EHBP1: variants seen among roughly 807,000 people sequenced by gnomAD.
The protein encoded by EHBP1 is EH domain-binding protein 1.
A neutral mutation model predicts 144.0 loss-of-function variants in EHBP1; 55 were observed. The observed-to-expected ratio is 0.38, with a 90% CI of 0.31 to 0.48. The LOEUF is 0.48. Ranked by LOEUF, EHBP1 falls within the 20% of genes least tolerant of loss-of-function variation. EHBP1 has a pLI of 0.98. For synonymous variants in EHBP1, 469 were observed against 472.7 expected (o/e 0.99, Z 0.10); for missense variants, 1,200 against 1,364.2 (o/e 0.88, Z 1.90).
chr2:62,835,947 G>A (rs570044739), intron 7 of EHBP1, among the ~76,000 whole-genome samples: 1 of 151,830 alleles, frequency 6.6e-6, no homozygotes, highest in South Asian at 2.1e-4. Context: ...GCTTGCTTAG[G>A]TAAACAAAGC....
chr2:62,810,520 A>G (rs914633098), intron 5 of EHBP1, among the ~76,000 whole-genome samples: 1 of 152,234 alleles, frequency 6.6e-6, no homozygotes, highest in Admixed American at 6.5e-5. Flanking sequence ...TGAGAAACTA[A>G]GAGGAGAAAC....
At chr2:62,834,322 T>C (rs559649010) in intron 7 of EHBP1, among the ~76,000 whole-genome samples, 1 of 152,228 alleles carries the variant, frequency 6.6e-6, no homozygotes, top group Non-Finnish European at 1.5e-5. Flanking sequence ...GAGAAATTTT[T>C]AATGAAAGGA....
At chr2:62,953,525 G>A (rs1434278828) in intron 13 of EHBP1, among the ~76,000 whole-genome samples, 3 of 151,208 alleles carry the variant, frequency 2.0e-5, no homozygotes, top group African/African-American at 2.4e-5. Context: ...CTCCAGCCTC[G>A]GTGACAGAGT....
At chr2:62,704,419 GCT>G (rs1287728429), upstream of EHBP1, among the ~76,000 whole-genome samples, 4 of 152,208 alleles carry the variant, frequency 2.6e-5, no homozygotes, top group African/African-American at 7.2e-5. Flanking sequence ...ACCCATCACT[GCT>G]CTCTCTTCCT....
intron 14 of EHBP1, among the ~76,000 whole-genome samples, chr2:62,975,935 CAT>C (rs59815286): frequency 1.8e-3 from 241 of 134,362 alleles, no homozygotes; most frequent in Middle Eastern, 0.012. Flanking sequence ...CACACACACA[CAT>C]ATATAGTAGA....
intron 7 of EHBP1, among the ~76,000 whole-genome samples, chr2:62,831,564 T>A (rs1331258757): frequency 6.6e-6 from 1 of 152,168 alleles, no homozygotes; most frequent in African/African-American, 2.4e-5. Flanking sequence ...ATGTGGACAT[T>A]CTGTGTTTTG....
chr2:62,999,244 T>C (rs2059757420), intron 19 of EHBP1, among the ~76,000 whole-genome samples: 1 of 152,174 alleles, frequency 6.6e-6, no homozygotes, highest in South Asian at 2.1e-4. Context: ...CACTACATCT[T>C]CTTTACAGAA....
intron 15 of EHBP1, among the ~76,000 whole-genome samples, chr2:62,990,402 T>C (rs1184820535): frequency 1.3e-5 from 2 of 152,182 alleles, no homozygotes; most frequent in African/African-American, 2.4e-5. Context: ...GCTTGTTTTA[T>C]TATGTATAAC....
At chr2:62,944,363 C>T (rs757149171) in intron 12 of EHBP1, among the ~76,000 whole-genome samples, 3 of 152,144 alleles carry the variant, frequency 2.0e-5, no homozygotes, top group East Asian at 1.9e-4. Flanking sequence ...GGTGATGTAC[C>T]GTAAGATTAT....
Position 62,945,385 on chromosome 2 carries a change from A to G in EHBP1, c.1413+1535A>G, listed in dbSNP as rs79754941. Among the ~76,000 whole-genome samples the G allele has an allele frequency of 3.2e-4, 49 of 152,336 alleles. No individual in the cohort carries two copies. In the East Asian group the frequency reaches 8.7e-3, roughly 27 times the overall value. On this transcript the variant is annotated intron_variant, in intron 12 of 22. Coordinates refer to ENST00000431489, the MANE Select transcript of EHBP1 (RefSeq NM_001142616.3). ...CAAAGTGGTTAATAACCTCTAGTCT[A>G]AAGTTTTTAACATACTTTAAATTAA...
intron 3 of EHBP1, among the ~76,000 whole-genome samples, chr2:62,749,191 T>C (rs1343752003): frequency 6.6e-6 from 1 of 152,000 alleles, no homozygotes; most frequent in Non-Finnish European, 1.5e-5. Flanking sequence ...TGTGTCCAAG[T>C]GTTCTCATTG....
chr2:62,758,040 A>T (rs554685760), intron 3 of EHBP1, among the ~76,000 whole-genome samples: 19 of 151,906 alleles, frequency 1.3e-4, no homozygotes, highest in Admixed American at 1.0e-3. Context: ...TTTACTTCTC[A>T]GTTTATTGCT....
chr2:62,918,173 A>G (rs1416957609), intron 10 of EHBP1, among the ~76,000 whole-genome samples: 1 of 152,160 alleles, frequency 6.6e-6, no homozygotes, highest in Non-Finnish European at 1.5e-5. Context: ...CTGGGTTTGC[A>G]GGCGTGAGCC....
At chr2:62,794,898 G>A (rs1186557960) in intron 5 of EHBP1, among the ~76,000 whole-genome samples, 3 of 151,880 alleles carry the variant, frequency 2.0e-5, no homozygotes, top group African/African-American at 7.2e-5. Context: ...CTTTTACCAC[G>A]TGTGTATTTA....
chr2:62,809,102 C>T (rs2044739432), intron 5 of EHBP1, among the ~76,000 whole-genome samples: 1 of 151,994 alleles, frequency 6.6e-6, no homozygotes, highest in Non-Finnish European at 1.5e-5. Context: ...AGCAGCCTGA[C>T]CAGCATGGTG....
intron 10 of EHBP1, among the ~76,000 whole-genome samples, chr2:62,914,683 AATTAAAAAT>A (rs2054471816): frequency 6.6e-6 from 1 of 152,066 alleles, no homozygotes; most frequent in African/African-American, 2.4e-5. Flanking sequence ...TGAGTAAGGT[AATTAAAAAT>A]ATTAAGTTGG....
chr2:63,008,248 G>C (rs1391477729), intron 19 of EHBP1, among the ~76,000 whole-genome samples: 1 of 151,650 alleles, frequency 6.6e-6, no homozygotes, highest in African/African-American at 2.4e-5. Flanking sequence ...AAAAGTACAT[G>C]CTGGGGTGGA....
At chr2:62,689,855 A>G (rs2033844799) in intron 1 of EHBP1, among the ~76,000 whole-genome samples, 3 of 152,256 alleles carry the variant, frequency 2.0e-5, no homozygotes. Flanking sequence ...ATGATAAAGT[A>G]TACACAGAAA....
chr2:62,993,836 A>G, intron 17 of EHBP1, 35 bp from the exon 18 acceptor site: 1 of 1,476,890 alleles, frequency 6.8e-7, no homozygotes, highest in Non-Finnish European at 9.0e-7. Context: ...AAGCTTTACA[A>G]TAATTTTACA....
Sources: gnomAD v4.1 joint callset for allele counts (sites outside exome capture counted in the v4.1 genomes callset) on GRCh38, gnomAD v4.1.1 for gene constraint, MANE v1.5 for transcripts, NCBI Gene and HGNC (gene_info 2026-07-23, HGNC 2026-07-21) for gene names.